ADAMTS17: variants seen among roughly 807,000 people sequenced by gnomAD.
ADAMTS17 encodes the protein A disintegrin and metalloproteinase with thrombospondin motifs 17.
ADAMTS17 carries 113 observed loss-of-function variants against 141.5 expected under a neutral mutation model. The ratio of observed to expected loss-of-function variants is 0.80; its 90% CI spans 0.69 to 0.93. The LOEUF (loss-of-function observed/expected upper bound fraction) is 0.93. ADAMTS17 is among the 40% of genes least tolerant of loss of function. The probability of loss-of-function intolerance (pLI) is 0.00; values close to 1 mark genes in which losing one functional copy is unlikely to be tolerated. For missense variants in ADAMTS17, 1,659 were observed against 1,517.9 expected (o/e 1.09, Z -1.54); for synonymous variants, 768 against 630.6 (o/e 1.22, Z -3.27).
chr15:100,060,124 A>AT (rs1008964607), intron 15 of ADAMTS17, among the ~76,000 whole-genome samples: 9 of 152,168 alleles, frequency 5.9e-5, no homozygotes, highest in African/African-American at 1.9e-4. Context: ...CAGTGATTTG[A>AT]TTTTATCTGT....
chr15:100,060,318 A>C (rs1314509232), intron 15 of ADAMTS17, among the ~76,000 whole-genome samples: 2 of 152,214 alleles, frequency 1.3e-5, no homozygotes, highest in Non-Finnish European at 2.9e-5. Flanking sequence ...TTCCTTTGCC[A>C]CCAGGGCAGA....
At chr15:100,051,835 G>A (rs1035428173) in intron 16 of ADAMTS17, 104 bp from the exon 17 acceptor site, 5 of 1,417,524 alleles carry the variant, frequency 3.5e-6, no homozygotes, top group Non-Finnish European at 5.0e-6. Flanking sequence ...CTTTATGAGG[G>A]GTAACCAGCT....
intron 15 of ADAMTS17, among the ~76,000 whole-genome samples, chr15:100,077,236 G>T (rs1458074502): frequency 7.7e-6 from 1 of 130,480 alleles, no homozygotes; most frequent in Non-Finnish European, 1.6e-5. Flanking sequence ...TTGAGGCCAG[G>T]AGTTTGCAAC....
rs926013716 is a variant in ADAMTS17 at position 100,002,539 on chromosome 15, C to T, written c.2592-4950G>A. On this transcript the variant is annotated intron_variant, in intron 18 of 21. Coordinates refer to ENST00000268070, the MANE Select transcript of ADAMTS17 (RefSeq NM_139057.4). ...AGCTGGGCGAGGCTCAGCAGTCCTG[C>T]CCTGATGTCTCTACATCCGCCGTCA... is the stretch of plus-strand genomic sequence containing the variant. Among the ~76,000 whole-genome samples the T allele has an allele frequency of 2.2e-4, 33 of 152,018 alleles. 2 individuals are homozygous for T. The highest frequency in any genetic ancestry group is 7.5e-4 in the African/African-American group (31 of 41,314).
At chr15:100,284,617 T>C (rs2044388486) in intron 3 of ADAMTS17, among the ~76,000 whole-genome samples, 1 of 152,130 alleles carries the variant, frequency 6.6e-6, no homozygotes, top group African/African-American at 2.4e-5. Context: ...GAGGGCACCT[T>C]AGCCTTCTCC....
rs574260048 is a variant in ADAMTS17 at position 100,314,196 on chromosome 15, T to C, written c.616+16693A>G. Among the ~76,000 whole-genome samples, 9 of 152,320 alleles carry C rather than the reference T, an allele frequency of 5.9e-5. No homozygotes were observed. The South Asian group carries it at 1.4e-3, about 25-fold the overall frequency. The stretch of plus-strand genomic sequence containing the variant: ...ACAAATACAAAGGAATTAACCCAGA[T>C]TGGAGAAGACTCGGAAGACATGACA... On this transcript the variant is annotated intron_variant, in intron 3 of 21. Coordinates refer to ENST00000268070, the MANE Select transcript of ADAMTS17 (RefSeq NM_139057.4).
intron 15 of ADAMTS17, among the ~76,000 whole-genome samples, chr15:100,074,723 T>C (rs1415716599): frequency 2.6e-5 from 4 of 152,172 alleles, no homozygotes; most frequent in African/African-American, 9.6e-5. Context: ...ATCAGTATTA[T>C]TCTTGCTTTA....
intron 7 of ADAMTS17, among the ~76,000 whole-genome samples, chr15:100,230,203 C>G (rs190694913): frequency 1.3e-5 from 2 of 152,240 alleles, no homozygotes; most frequent in African/African-American, 4.8e-5. Context: ...AGAGCACAAA[C>G]ACGTCACGAA....
At chr15:100,265,997 T>C (rs2043702438) in intron 4 of ADAMTS17, among the ~76,000 whole-genome samples, 1 of 152,192 alleles carries the variant, frequency 6.6e-6, no homozygotes, top group Admixed American at 6.5e-5. Context: ...AGCACTATGC[T>C]AGTCTTGCTG....
intron 20 of ADAMTS17, among the ~76,000 whole-genome samples, chr15:99,987,117 C>T (rs947271491): frequency 2.0e-5 from 3 of 152,204 alleles, no homozygotes; most frequent in African/African-American, 4.8e-5. Context: ...GCGTCCTCCC[C>T]CAGCTAGCAC....
At chr15:100,201,633 T>C (rs1168659816) in intron 7 of ADAMTS17, among the ~76,000 whole-genome samples, 1 of 152,206 alleles carries the variant, frequency 6.6e-6, no homozygotes, top group Non-Finnish European at 1.5e-5. Context: ...TCATTGTGGG[T>C]CTATTTTTAT....
At chr15:100,212,197 C>G (rs929554287) in intron 7 of ADAMTS17, among the ~76,000 whole-genome samples, 2 of 152,218 alleles carry the variant, frequency 1.3e-5, no homozygotes, top group African/African-American at 4.8e-5. Flanking sequence ...CCCCCAGGCT[C>G]ATGCTGCAAC....
At chr15:100,006,122 TCCAAATAAGGTCA>T (rs2061032198) in intron 18 of ADAMTS17, among the ~76,000 whole-genome samples, 1 of 152,190 alleles carries the variant, frequency 6.6e-6, no homozygotes, top group Admixed American at 6.5e-5. Context: ...CGACCCTGTT[TCCAAATAAGGTCA>T]CATTCTGAGA....
At chr15:100,172,598 C>G (rs1252320916) in intron 8 of ADAMTS17, among the ~76,000 whole-genome samples, 1 of 152,172 alleles carries the variant, frequency 6.6e-6, no homozygotes, top group Non-Finnish European at 1.5e-5. Context: ...GTTACCTGTT[C>G]CTAACCATCC....
chr15:100,205,408 A>G (rs1221965519), intron 7 of ADAMTS17, among the ~76,000 whole-genome samples: 1 of 152,180 alleles, frequency 6.6e-6, no homozygotes, highest in East Asian at 1.9e-4. Context: ...ATAAGTGGTG[A>G]TGTTCAAAAG....
At chr15:100,119,081 C>A (rs1003425399) in intron 12 of ADAMTS17, among the ~76,000 whole-genome samples, 2 of 152,074 alleles carry the variant, frequency 1.3e-5, no homozygotes, top group Non-Finnish European at 2.9e-5. Flanking sequence ...CAGAGAGACA[C>A]ACAAAGAATG....
At chr15:99,986,271 G>C (rs1332673747) in intron 20 of ADAMTS17, among the ~76,000 whole-genome samples, 1 of 152,238 alleles carries the variant, frequency 6.6e-6, no homozygotes, top group African/African-American at 2.4e-5. Context: ...TCATTGTTAA[G>C]GTCATGGAAC....
At chr15:100,312,072 T>C (rs575505196) in intron 3 of ADAMTS17, among the ~76,000 whole-genome samples, 3 of 152,312 alleles carry the variant, frequency 2.0e-5, no homozygotes, top group Admixed American at 6.5e-5. Flanking sequence ...AGTGAGCTCA[T>C]GGCCTCCCAA....
intron 15 of ADAMTS17, among the ~76,000 whole-genome samples, chr15:100,088,259 A>C (rs2035233650): frequency 6.6e-6 from 1 of 152,232 alleles, no homozygotes; most frequent in Non-Finnish European, 1.5e-5. Context: ...AGAGAATAAA[A>C]TACCTAGGAA....
Sources: allele counts gnomAD v4.1 joint callset (sites outside exome capture counted in the v4.1 genomes callset), GRCh38; gene constraint gnomAD v4.1.1; transcripts MANE v1.5; gene names NCBI Gene and HGNC (gene_info 2026-07-23, HGNC 2026-07-21).